The following HYDIN variants were observed in gnomAD, a reference collection of about 807,000 sequenced individuals.
HYDIN encodes the protein HYDIN axonemal central pair apparatus protein.
HYDIN carries 132 observed loss-of-function variants against 403.9 expected under a neutral mutation model. The ratio of observed to expected loss-of-function variants is 0.33; its 90% CI spans 0.28 to 0.38. The LOEUF (loss-of-function observed/expected upper bound fraction) is 0.38. Ranked by LOEUF, HYDIN falls within the 10% of genes least tolerant of loss-of-function variation. The pLI is 1.00. For synonymous variants in HYDIN, 1,202 were observed against 1,891.7 expected, an observed-to-expected ratio of 0.64 and a Z score of 9.46; for missense variants, 2,827 against 5,009.5, an observed-to-expected ratio of 0.56 and a Z score of 13.15.
chr16:71,179,792 A>G (rs2086825901), intron 3 of HYDIN, among the ~76,000 whole-genome samples: 1 of 152,154 alleles, frequency 6.6e-6, no homozygotes, highest in South Asian at 2.1e-4. Flanking sequence ...AGCATCATCC[A>G]ATGCTGAAAC....
intron 9 of HYDIN, among the ~76,000 whole-genome samples, chr16:71,125,447 C>T (rs996995691): frequency 1.3e-5 from 2 of 152,224 alleles, no homozygotes; most frequent in African/African-American, 2.4e-5. Flanking sequence ...TAAGGACCTC[C>T]CTGACCTCAA....
rs368731009 is a variant in HYDIN at position 71,062,475 on chromosome 16, C to A, written c.2212-142G>T. 4 of 617,236 alleles carry A rather than the reference C, an allele frequency of 6.5e-6. No individual in the cohort carries two copies. The East Asian group carries it at 8.7e-5, about 13-fold the overall frequency. The allele number at this position is 617,236 out of a possible 1,614,324, so 38.2% of individuals were successfully genotyped here. A position where few individuals can be genotyped will look rare whatever the true frequency, so the allele number is the denominator to read the frequency against. On this transcript the variant is annotated intron_variant, in intron 16 of 85. Coordinates refer to ENST00000393567, the MANE Select transcript of HYDIN (RefSeq NM_001270974.2). ...TCAAGCAAGTAAATAGGGATGAGCA[C>A]CCCAATTCGGCCAAAAGGAAGTTTG... is the stretch of plus-strand genomic sequence containing the variant.
chr16:70,840,355 T>C, intron 75 of HYDIN, 122 bp from the exon 76 acceptor site: 1 of 706,450 alleles, frequency 1.4e-6, no homozygotes, highest in Non-Finnish European at 2.3e-6. Flanking sequence ...CAGGGTGCCA[T>C]TTCCAGAGAT....
chr16:70,949,942 C>A (rs2078011661), intron 41 of HYDIN, among the ~76,000 whole-genome samples: 1 of 152,144 alleles, frequency 6.6e-6, no homozygotes, highest in East Asian at 1.9e-4. Context: ...TATATGGTAA[C>A]AGAGAAATAA....
Position 71,229,270 on chromosome 16 carries a change from C to T in HYDIN, c.-24+1292G>A, listed in dbSNP as rs1170864299. 4.6e-5 allele frequency among the ~76,000 whole-genome samples: 7 copies of T among 151,920 alleles called. No homozygotes were observed. In the South Asian group the frequency reaches 6.2e-4, roughly 14 times the overall value. On this transcript the variant is annotated intron_variant, in intron 1 of 85. Transcript: ENST00000393567. The stretch of plus-strand genomic sequence containing the variant: ...TGTATACATATGTAACAAACCTGCA[C>T]GTTGTGCACATATACCCTAGAACTT...
intron 54 of HYDIN, among the ~76,000 whole-genome samples, chr16:70,894,896 A>C (rs2143730554): frequency 6.6e-6 from 1 of 151,954 alleles, no homozygotes; most frequent in Non-Finnish European, 1.5e-5. Flanking sequence ...GTATTACTTC[A>C]TAAGCATTTC....
In HYDIN at chr16:71,230,683, T is replaced by G. The variant is rs993461027; in HGVS notation, c.-145A>C. 1 of 1,535,928 alleles carries G rather than the reference T, an allele frequency of 6.5e-7. No individual in the cohort carries two copies. The highest frequency in any genetic ancestry group is 2.0e-5 in the Admixed American group (1 of 50,984). On this transcript the variant is annotated 5_prime_UTR_variant, in exon 1 of 86. Transcript: ENST00000393567. ...ACCCAGCTTGAAGCCGCCCGCACTC[T>G]CCATGCGCCGCCCGAGCTGTTGCCG...
rs1482789426 is a variant in HYDIN, at chr16:70,882,710, C to T, written c.10165G>A (p.Gly3389Arg). Residue 3389 changes from glycine (G) to arginine (R), a missense_variant, in exon 60 of 86, where the codon GGA becomes AGA. Transcript: ENST00000393567. The part of the protein sequence containing the change: ...AKARFKISNV[G>R]KITCDVNIVV... ...ATGTTGACATCACAGGTGATCTTTC[C>T]CACGTTGCTGATCTTGAAACGAGCC... 1.4e-6 allele frequency: 2 copies of T among 1,448,330 alleles called. No homozygotes were observed. The highest frequency in any genetic ancestry group is 4.5e-5 in the East Asian group (2 of 44,056). The allele number at this position is 1,448,330 out of a possible 1,614,324, so 89.7% of individuals were successfully genotyped here. A position where few individuals can be genotyped will look rare whatever the true frequency, so the allele number is the denominator to read the frequency against.
Position 70,909,981 on chromosome 16 carries a change from C to T in HYDIN, c.8005-1120G>A, listed in dbSNP as rs1208073816. Among the ~76,000 whole-genome samples, 5 of 150,800 alleles carry T rather than the reference C, an allele frequency of 3.3e-5. No individual in the cohort carries two copies. In the East Asian group the frequency reaches 6.0e-4, roughly 18 times the overall value. On this transcript the variant is annotated intron_variant, in intron 47 of 85. Transcript: ENST00000393567. Reference sequence around the variant, plus strand: ...TGCTGGGATTACAGGCGTGAGCCACCGCGCCTGGCCTCAGGCATGTCTTTA... The same window carrying T: ...TGCTGGGATTACAGGCGTGAGCCACTGCGCCTGGCCTCAGGCATGTCTTTA...
At chr16:70,822,488 T>C (rs2036331201) in intron 83 of HYDIN, among the ~76,000 whole-genome samples, 1 of 152,204 alleles carries the variant, frequency 6.6e-6, no homozygotes, top group East Asian at 1.9e-4. Context: ...ACAAAGGATT[T>C]AGAATATTCA....
intron 55 of HYDIN, chr16:70,894,169 G>A (rs1050590278): frequency 6.9e-6 from 3 of 434,020 alleles, no homozygotes; most frequent in African/African-American, 6.1e-5. Flanking sequence ...GCCACTTAAA[G>A]GCCCCTGTTA....
chr16:71,069,291 G>C lies in HYDIN; in HGVS notation c.1950C>G (p.Arg650=), dbSNP rs757662209. The change falls in exon 14 of 86, where the codon CGC becomes CGG. Residue 650 remains arginine (R), a synonymous_variant. Coordinates refer to ENST00000393567, the MANE Select transcript of HYDIN (RefSeq NM_001270974.2). ...CCCTGATAGCAGCAAATCCCTGGGG[G>C]CGAATGGTGCCACAGTCAGGAGAGA... The part of the protein sequence containing the change: ...FTISPDCGTI[R]PQGFAAIRVT... 148 of 1,613,304 alleles carry C rather than the reference G, an allele frequency of 9.2e-5. No homozygotes were observed. The highest frequency in any genetic ancestry group is 1.2e-4 in the Non-Finnish European group (139 of 1,179,904).
chr16:70,976,594 G>C (rs916857275), intron 30 of HYDIN, among the ~76,000 whole-genome samples: 6 of 150,658 alleles, frequency 4.0e-5, no homozygotes, highest in African/African-American at 1.5e-4. Context: ...CAATTTCATG[G>C]ATTTGATGTT....
At chr16:70,962,395 C>G (rs1330213823) in intron 37 of HYDIN, among the ~76,000 whole-genome samples, 1 of 151,542 alleles carries the variant, frequency 6.6e-6, no homozygotes, top group Non-Finnish European at 1.5e-5. Flanking sequence ...GTGGAAAACT[C>G]AGAAGAGCCA....
At chr16:70,907,904 G>C (rs2076579310) in intron 49 of HYDIN, among the ~76,000 whole-genome samples, 1 of 151,702 alleles carries the variant, frequency 6.6e-6, no homozygotes, top group Non-Finnish European at 1.5e-5. Context: ...CAGTAGCTTG[G>C]AAAAATTTCA....
intron 8 of HYDIN, among the ~76,000 whole-genome samples, chr16:71,134,814 T>G (rs907354407): frequency 6.6e-6 from 1 of 152,184 alleles, no homozygotes; most frequent in South Asian, 2.1e-4. Flanking sequence ...TGCTTTCTTA[T>G]TATTATGCTT....
chr16:70,970,304 C>G (rs1235389552), intron 36 of HYDIN, among the ~76,000 whole-genome samples: 1 of 85,632 alleles, frequency 1.2e-5, no homozygotes. Context: ...ATGATATTGA[C>G]AAGTTGCTAT....
chr16:71,209,296 CAT>C (rs2088462553), intron 1 of HYDIN, among the ~76,000 whole-genome samples: 1 of 151,362 alleles, frequency 6.6e-6, no homozygotes, highest in African/African-American at 2.4e-5. Context: ...ACAAAAACCA[CAT>C]GATTATCTCA....
intron 1 of HYDIN, among the ~76,000 whole-genome samples, chr16:71,222,824 G>A (rs2040862109): frequency 6.6e-6 from 1 of 152,158 alleles, no homozygotes; most frequent in Non-Finnish European, 1.5e-5. Context: ...AAAAAGCACT[G>A]CTGAAATAAA....
Sources: gnomAD v4.1 joint callset for allele counts (sites outside exome capture counted in the v4.1 genomes callset) on GRCh38, gnomAD v4.1.1 for gene constraint, MANE v1.5 for transcripts, NCBI Gene and HGNC (gene_info 2026-07-23, HGNC 2026-07-21) for gene names.